AGFG1: variants seen among roughly 807,000 people sequenced by gnomAD.
AGFG1 encodes the protein ArfGAP with FG repeats 1.
A neutral mutation model predicts 60.6 loss-of-function variants in AGFG1; 10 were observed. The ratio of observed to expected loss-of-function variants is 0.16; its 90% CI spans 0.10 to 0.28. The LOEUF is 0.28. Ranked by LOEUF, AGFG1 falls within the 10% of genes least tolerant of loss-of-function variation. AGFG1 has a pLI of 1.00. For synonymous variants in AGFG1, 247 were observed against 242.9 expected, an observed-to-expected ratio of 1.02 and a Z score of -0.16; for missense variants, 537 against 676.5, an observed-to-expected ratio of 0.79 and a Z score of 2.29.
chr2:227,523,601 C>T (rs541661000), intron 3 of AGFG1, among the ~76,000 whole-genome samples, 162 bp from the exon 4 acceptor site: 1 of 152,222 alleles, frequency 6.6e-6, no homozygotes, highest in East Asian at 1.9e-4. Context: ...CTTAAGCTGT[C>T]GTTCCTTTTT....
At chr2:227,476,178 A>G (rs1690275626) in intron 1 of AGFG1, among the ~76,000 whole-genome samples, 1 of 152,138 alleles carries the variant, frequency 6.6e-6, no homozygotes, top group Non-Finnish European at 1.5e-5. Flanking sequence ...CAGTTAAACT[A>G]TTTGTTACTG....
rs1693103060 is a variant in AGFG1, at chr2:227,560,431, T to C, written c.*5936T>C. On this transcript the variant is annotated 3_prime_UTR_variant, in exon 13 of 13. Transcript: ENST00000310078. ...TCTTCCATTTAAAGAAGAAAAAAAA[T>C]CTCTCTGACTATCTGAAGATATATG... The C allele has an allele frequency of 1.4e-5, 1 of 70,814 alleles. No homozygotes were observed. Among genetic ancestry groups the C allele is most frequent in the Non-Finnish European group, 3.2e-5 (1 of 31,038 alleles). The allele number at this position is 70,814 out of a possible 1,614,324, so 4.4% of individuals were successfully genotyped here.
intron 3 of AGFG1, among the ~76,000 whole-genome samples, chr2:227,522,365 A>G (rs947560504): frequency 1.6e-4 from 25 of 152,338 alleles, no homozygotes; most frequent in African/African-American, 5.5e-4. Flanking sequence ...AATTTGTATT[A>G]GTAGTATGCT....
At chr2:227,526,822 G>T (rs1333411153) in intron 5 of AGFG1, among the ~76,000 whole-genome samples, 1 of 152,138 alleles carries the variant, frequency 6.6e-6, no homozygotes, top group East Asian at 1.9e-4. Flanking sequence ...GGGATTACAG[G>T]TGTGAGCCAC....
In AGFG1 at chr2:227,556,694, G is replaced by A. The variant is rs888808079; in HGVS notation, c.*2199G>A. ...TTTTAAAGACTATTTCTTTTTCTGG[G>A]TAACTATTGAAGTTTGTAATTAAAT... On this transcript the variant is annotated 3_prime_UTR_variant, in exon 13 of 13. Coordinates refer to ENST00000310078, the MANE Select transcript of AGFG1 (RefSeq NM_004504.5). 9.8e-5 allele frequency: 15 copies of A among 152,468 alleles called. No individual in the cohort carries two copies. The highest frequency in any genetic ancestry group is 3.6e-4 in the African/African-American group (15 of 41,392). 9.4% of individuals were successfully genotyped at this position (152,468 alleles called of 1,614,324 possible).
rs1379933009 is a variant in AGFG1, at chr2:227,557,269, G to C, written c.*2774G>C. ...CATTTTTTCCCCATTTTTTGAAATA[G>C]AGAATATTTTATTATTTTTGTGAAA... On this transcript the variant is annotated 3_prime_UTR_variant, in exon 13 of 13. Transcript: ENST00000310078. 1 of 152,130 alleles carries C rather than the reference G, an allele frequency of 6.6e-6. No homozygotes were observed. The highest frequency in any genetic ancestry group is 6.5e-5 in the Admixed American group (1 of 15,274). 9.4% of individuals were successfully genotyped at this position (152,130 alleles called of 1,614,324 possible).
rs1691932450 is a variant in AGFG1, at chr2:227,524,677, G to A, written c.541-85G>A. The A allele has an allele frequency of 1.1e-5, 15 of 1,390,914 alleles. No individual in the cohort carries two copies. In the South Asian group the frequency reaches 1.7e-4, roughly 16 times the overall value. The allele number at this position is 1,390,914 out of a possible 1,614,324, so 86.2% of individuals were successfully genotyped here. ...ATACTGTAACTCTTCGTATGTATAA[G>A]TGTGTTTTAAGTTTGCAGATAGTTT... On this transcript the variant is annotated intron_variant, in intron 4 of 12. Coordinates refer to ENST00000310078, the MANE Select transcript of AGFG1 (RefSeq NM_004504.5).
At chr2:227,515,846 A>G (rs1691634268) in intron 2 of AGFG1, among the ~76,000 whole-genome samples, 1 of 152,144 alleles carries the variant, frequency 6.6e-6, no homozygotes, top group Non-Finnish European at 1.5e-5. Context: ...TCTATCAGCA[A>G]ATCTAGATGC....
At chr2:227,508,393 A>G (rs1691390390) in intron 2 of AGFG1, 1 of 251,032 alleles carries the variant, frequency 4.0e-6, no homozygotes, top group Non-Finnish European at 8.1e-6. Context: ...AAGACAAAAT[A>G]TAAAGTTCTT....
intron 3 of AGFG1, 61 bp from the exon 4 acceptor site, chr2:227,523,702 C>A: frequency 1.3e-6 from 2 of 1,486,660 alleles, no homozygotes; most frequent in South Asian, 1.2e-5. Flanking sequence ...TTAAGCTTAT[C>A]ATTTTTTGAT....
intron 2 of AGFG1, among the ~76,000 whole-genome samples, chr2:227,505,698 T>C (rs891404426): frequency 6.6e-6 from 1 of 152,114 alleles, no homozygotes; most frequent in Non-Finnish European, 1.5e-5. Context: ...ATTGCAAGGA[T>C]GTTTTCTTAT....
At chr2:227,519,821 C>T (rs534128640) in intron 2 of AGFG1, 127 bp from the exon 3 acceptor site, 2 of 565,040 alleles carry the variant, frequency 3.5e-6, no homozygotes, top group Non-Finnish European at 6.2e-6. Context: ...TATTAGTATC[C>T]TCATTGAAAG....
At chr2:227,502,862 A>G (rs1395037455) in intron 2 of AGFG1, among the ~76,000 whole-genome samples, 1 of 152,152 alleles carries the variant, frequency 6.6e-6, no homozygotes, top group Non-Finnish European at 1.5e-5. Context: ...ATATTTTTAC[A>G]TGAATATATA....
rs1057347614 is a variant in AGFG1 at position 227,512,832 on chromosome 2, G to T, written c.262-7116G>T. On this transcript the variant is annotated intron_variant, in intron 2 of 12. Coordinates refer to ENST00000310078, the MANE Select transcript of AGFG1 (RefSeq NM_004504.5). ...ATATCTTACATACAAAAGGAGGCAG[G>T]ATTACCTAGAGGATTACTCCATCTC... Among the ~76,000 whole-genome samples, 4 of 152,140 alleles carry T rather than the reference G, an allele frequency of 2.6e-5. No homozygotes were observed. In the East Asian group the frequency reaches 5.8e-4, roughly 22 times the overall value.
chr2:227,542,441 G>T (rs1466892919), intron 10 of AGFG1, among the ~76,000 whole-genome samples: 2 of 152,188 alleles, frequency 1.3e-5, no homozygotes, highest in African/African-American at 4.8e-5. Context: ...CTTTGGTTCT[G>T]TGTATATGAT....
intron 2 of AGFG1, among the ~76,000 whole-genome samples, chr2:227,507,205 T>A (rs1396022213): frequency 3.3e-5 from 5 of 152,138 alleles, no homozygotes. Context: ...GAGACTCAGT[T>A]TGCTGTTTTT....
intron 7 of AGFG1, among the ~76,000 whole-genome samples, chr2:227,534,140 G>A (rs559460454): frequency 2.0e-5 from 3 of 151,360 alleles, no homozygotes; most frequent in Admixed American, 2.0e-4. Context: ...ATCTTGGTGG[G>A]TTTTTTATAT....
intron 4 of AGFG1, 108 bp from the exon 5 acceptor site, chr2:227,524,654 A>G: frequency 8.8e-7 from 1 of 1,133,968 alleles, no homozygotes; most frequent in Non-Finnish European, 1.3e-6. Context: ...AACTCAGCAT[A>G]CTGTAACTCT....
chr2:227,541,725 CTG>C (rs1408976817), intron 10 of AGFG1, among the ~76,000 whole-genome samples: 2 of 152,092 alleles, frequency 1.3e-5, no homozygotes, highest in Non-Finnish European at 2.9e-5. Context: ...TTTTCCAATT[CTG>C]TGAAGAAAGT....
Sources: gnomAD v4.1 joint callset for allele counts (sites outside exome capture counted in the v4.1 genomes callset) on GRCh38, gnomAD v4.1.1 for gene constraint, MANE v1.5 for transcripts, NCBI Gene and HGNC (gene_info 2026-07-23, HGNC 2026-07-21) for gene names.